The following ARHGEF28 variants were observed in gnomAD, a reference collection of about 807,000 sequenced individuals.
ARHGEF28 encodes Rho guanine nucleotide exchange factor 28.
A neutral mutation model predicts 206.6 loss-of-function variants in ARHGEF28; 152 were observed. The ratio of observed to expected loss-of-function variants is 0.74; its 90% confidence interval spans 0.64 to 0.84. ARHGEF28 has a LOEUF of 0.84. Ranked by LOEUF, ARHGEF28 falls within the 40% of genes least tolerant of loss-of-function variation. The pLI is 0.00. For synonymous variants in ARHGEF28, 763 were observed against 776.4 expected, an observed-to-expected ratio of 0.98 and a Z score of 0.29; for missense variants, 2,028 against 2,073.2, an observed-to-expected ratio of 0.98 and a Z score of 0.42.
At chr5:73,898,138 C>T (rs1408008939) in intron 30 of ARHGEF28, 45 bp downstream of exon 30, 5 of 1,597,096 alleles carry the variant, frequency 3.1e-6, no homozygotes, top group Non-Finnish European at 2.6e-6. Flanking sequence ...AGCACAGTCC[C>T]TGGAGCTTAC....
At chr5:73,669,522 T>C (rs1394488636) in intron 1 of ARHGEF28, among the ~76,000 whole-genome samples, 3 of 152,182 alleles carry the variant, frequency 2.0e-5, no homozygotes, top group African/African-American at 7.2e-5. Context: ...TTGACACATG[T>C]TATCAATTGT....
chr5:73,810,980 A>G (rs1464094782), intron 9 of ARHGEF28, among the ~76,000 whole-genome samples: 2 of 152,156 alleles, frequency 1.3e-5, no homozygotes, highest in Non-Finnish European at 2.9e-5. Context: ...AGTTAAGGGG[A>G]TGGTATAGTA....
intron 11 of ARHGEF28, among the ~76,000 whole-genome samples, chr5:73,846,056 A>G (rs139629397): frequency 2.0e-5 from 3 of 151,472 alleles, no homozygotes; most frequent in African/African-American, 7.2e-5. Flanking sequence ...TTTGCTAGGT[A>G]GGAATGTTCA....
At chr5:73,903,539 G>A (rs1341059948) in intron 31 of ARHGEF28, 1 of 152,312 alleles carries the variant, frequency 6.6e-6, no homozygotes, top group Non-Finnish European at 1.5e-5. Flanking sequence ...CTTAATGTGT[G>A]CTGTGGAAGA....
At chr5:73,920,557 T>G (rs180890887) in intron 35 of ARHGEF28, among the ~76,000 whole-genome samples, 1,848 of 146,710 alleles carry the variant, frequency 0.013, 44 homozygotes, top group African/African-American at 0.044. Context: ...TTTTTTTTTT[T>G]TTTTTTTTTT....
At chr5:73,810,815 C>T (rs552789239) in intron 9 of ARHGEF28, among the ~76,000 whole-genome samples, 40 of 152,152 alleles carry the variant, frequency 2.6e-4, no homozygotes, top group Non-Finnish European at 4.7e-4. Context: ...GTCTTCTGAA[C>T]GCTTTGTCAC....
intron 35 of ARHGEF28, among the ~76,000 whole-genome samples, chr5:73,925,099 G>C (rs892747266): frequency 1.3e-5 from 2 of 152,152 alleles, no homozygotes; most frequent in African/African-American, 2.4e-5. Context: ...GCCAGTTTTT[G>C]GTCCCGTGGA....
chr5:73,710,160 T>C (rs1749157556), intron 2 of ARHGEF28, among the ~76,000 whole-genome samples: 1 of 152,262 alleles, frequency 6.6e-6, no homozygotes, highest in South Asian at 2.1e-4. Flanking sequence ...AGCTGTTTTG[T>C]ATTTCCACCA....
chr5:73,846,510 G>A, intron 12 of ARHGEF28, 35 bp downstream of exon 12: 4 of 1,578,008 alleles, frequency 2.5e-6, no homozygotes, highest in East Asian at 2.2e-5. Context: ...TATATTGCAA[G>A]TGTGGAGAAT....
rs966607047 is a variant in ARHGEF28, at chr5:73,744,249, G to A, written c.34-5588G>A. 9.9e-5 allele frequency among the ~76,000 whole-genome samples: 15 copies of A among 152,250 alleles called. No homozygotes were observed. The South Asian group carries it at 2.1e-3, about 21-fold the overall frequency. On this transcript the variant is annotated intron_variant, in intron 2 of 35. Transcript: ENST00000513042. ...TAACGAAGTACTTCAGCTAAACACA[G>A]TAATTTGAATAAAATACTTTGTGCC...
intron 35 of ARHGEF28, among the ~76,000 whole-genome samples, chr5:73,932,658 T>C (rs995011641): frequency 1.3e-5 from 2 of 152,152 alleles, no homozygotes; most frequent in South Asian, 4.1e-4. Context: ...TTCTCATGAC[T>C]CTAATTATAT....
rs1413591605 is a variant in ARHGEF28 at position 73,846,273 on chromosome 5, G to C, written c.1433G>C (p.Ser478Thr). 6.2e-7 allele frequency: 1 copy of C among 1,612,876 alleles called. No individual in the cohort carries two copies. The highest frequency in any genetic ancestry group is 8.5e-7 in the Non-Finnish European group (1 of 1,179,546). The change falls in exon 12 of 36, where the codon AGC becomes ACC. Residue 478 changes from serine (S) to threonine (T), a missense_variant. Physicochemically the swap from Ser to Thr is moderately conservative, Grantham distance 58 (BLOSUM62 1). Around this residue, in one of 3 missense-constraint regions of ARHGEF28, gnomAD observed 1,002 missense variants for 1,015.3 expected, o/e 0.99. Transcript: ENST00000513042. ...EQSHLKKRSSSLDALDADSEG... is the reference protein window; with the variant it reads ...EQSHLKKRSSTLDALDADSEG... ...TTGCTGGCTTTGTGCTTTAGTTCTA[G>C]CCTTGATGCCTTGGACGCCGACAGT...
chr5:73,801,613 G>A (rs1033953649), intron 9 of ARHGEF28, among the ~76,000 whole-genome samples: 3 of 152,030 alleles, frequency 2.0e-5, no homozygotes, highest in African/African-American at 4.8e-5. Context: ...AACATGGGAG[G>A]GGGGGACCTT....
intron 2 of ARHGEF28, among the ~76,000 whole-genome samples, chr5:73,745,244 A>G (rs1751661041): frequency 6.7e-6 from 1 of 148,554 alleles, no homozygotes; most frequent in African/African-American, 2.6e-5. Flanking sequence ...GGGAGAGAAA[A>G]CATGAGTACA....
chr5:73,665,958 A>G (rs1745925364), intron 1 of ARHGEF28, among the ~76,000 whole-genome samples: 1 of 152,178 alleles, frequency 6.6e-6, no homozygotes, highest in South Asian at 2.1e-4. Context: ...CATCAACTCA[A>G]AAGTTCAAAG....
intron 2 of ARHGEF28, among the ~76,000 whole-genome samples, chr5:73,691,953 T>C (rs1747860399): frequency 6.6e-6 from 1 of 152,230 alleles, no homozygotes; most frequent in African/African-American, 2.4e-5. Flanking sequence ...ATGAAGGGCA[T>C]ACATATTTTA....
At chr5:73,748,103 A>G (rs776967315) in intron 2 of ARHGEF28, among the ~76,000 whole-genome samples, 1 of 152,206 alleles carries the variant, frequency 6.6e-6, no homozygotes, top group African/African-American at 2.4e-5. Flanking sequence ...AACCAGGAAC[A>G]TGACTAAAGC....
rs150442484 is a variant in ARHGEF28, at chr5:73,668,753, C to T, written c.-11-16088C>T. On this transcript the variant is annotated intron_variant, in intron 1 of 35. Coordinates refer to ENST00000513042, the MANE Select transcript of ARHGEF28 (RefSeq NM_001177693.2). ...AGTTAGATTTATTAACTTCTGAGTA[C>T]TCTTACTTGGAAACCCTTCTAAGTA... 7.2e-3 allele frequency among the ~76,000 whole-genome samples: 1,104 copies of T among 152,296 alleles called. 14 individuals carry two copies. Among genetic ancestry groups the T allele is most frequent in the African/African-American group, 0.025 (1,046 of 41,560 alleles).
At chr5:73,629,974 T>C (rs1365244394) in intron 1 of ARHGEF28, among the ~76,000 whole-genome samples, 1 of 152,186 alleles carries the variant, frequency 6.6e-6, no homozygotes, top group African/African-American at 2.4e-5. Context: ...AGTGGTGGCT[T>C]TGCTCTCCAT....
Sources: gnomAD v4.1 joint callset for allele counts (sites outside exome capture counted in the v4.1 genomes callset) on GRCh38, gnomAD v4.1.1 for gene constraint, gnomAD v4.1.1 regional missense constraint, MANE v1.5 for transcripts, NCBI Gene and HGNC (gene_info 2026-07-23, HGNC 2026-07-21) for gene names.